The following ATF6 variants were observed in gnomAD, a reference collection of about 807,000 sequenced individuals.
ATF6 encodes the protein activating transcription factor 6.
ATF6 carries 53 observed loss-of-function variants against 83.6 expected under a neutral mutation model. The observed-to-expected ratio is 0.63, with a 90% CI of 0.51 to 0.80. The LOEUF is 0.80. Among genes scored for constraint, ATF6 ranks in the 30% least tolerant of loss-of-function variants. The pLI is 0.00. For missense variants in ATF6, 744 were observed against 797.9 expected, an observed-to-expected ratio of 0.93 and a Z score of 0.81; for synonymous variants, 288 against 285.8, an observed-to-expected ratio of 1.01 and a Z score of -0.08.
intron 6 of ATF6, among the ~76,000 whole-genome samples, 169 bp downstream of exon 6, chr1:161,792,496 A>G (rs1684907338): frequency 6.6e-6 from 1 of 152,200 alleles, no homozygotes; most frequent in African/African-American, 2.4e-5. Flanking sequence ...TTCCTGTCAT[A>G]ACAAGGGATA....
intron 15 of ATF6, among the ~76,000 whole-genome samples, chr1:161,916,815 T>C (rs1161724337): frequency 6.6e-6 from 1 of 152,230 alleles, no homozygotes; most frequent in Non-Finnish European, 1.5e-5. Flanking sequence ...TTGACAAAAG[T>C]AAACCATTGT....
At chr1:161,902,536 G>A (rs1366698378) in intron 14 of ATF6, among the ~76,000 whole-genome samples, 1 of 152,178 alleles carries the variant, frequency 6.6e-6, no homozygotes, top group East Asian at 1.9e-4. Flanking sequence ...CACCAACAGA[G>A]TAAATTTCAA....
intron 9 of ATF6, among the ~76,000 whole-genome samples, chr1:161,825,101 G>A (rs1262401596): frequency 1.3e-5 from 2 of 151,772 alleles, no homozygotes; most frequent in East Asian, 1.9e-4. Context: ...ATTGAGACAG[G>A]GTCTTGCTCT....
At chr1:161,838,604 C>A (rs2101809806) in intron 9 of ATF6, among the ~76,000 whole-genome samples, 1 of 152,174 alleles carries the variant, frequency 6.6e-6, no homozygotes, top group East Asian at 1.9e-4. Flanking sequence ...ATTTGGACCT[C>A]TCCACAGCTG....
intron 2 of ATF6, among the ~76,000 whole-genome samples, chr1:161,778,991 T>A (rs1473086094): frequency 6.6e-6 from 1 of 152,210 alleles, no homozygotes; most frequent in African/African-American, 2.4e-5. Context: ...TCACATCATT[T>A]TAGGCTCTTA....
chr1:161,904,903 A>G (rs1230212133), intron 14 of ATF6, among the ~76,000 whole-genome samples: 1 of 152,230 alleles, frequency 6.6e-6, no homozygotes, highest in African/African-American at 2.4e-5. Flanking sequence ...ACTGATGTAC[A>G]TAAAGCATAT....
At chr1:161,840,806 T>G (rs926450183) in intron 9 of ATF6, among the ~76,000 whole-genome samples, 6 of 152,206 alleles carry the variant, frequency 3.9e-5, no homozygotes, top group African/African-American at 1.4e-4. Context: ...ATGATTATTT[T>G]GTGGCCTAAA....
chr1:161,934,722 T>A (rs1688504859), intron 15 of ATF6, among the ~76,000 whole-genome samples: 1 of 152,202 alleles, frequency 6.6e-6, no homozygotes, highest in African/African-American at 2.4e-5. Context: ...TCATGGCACT[T>A]AGCATGTTAT....
rs1310476931 is a variant in ATF6 at position 161,854,093 on chromosome 1, A to G, written c.1533+770A>G. Among the ~76,000 whole-genome samples, 6 of 152,350 alleles carry G rather than the reference A, an allele frequency of 3.9e-5. 1 individual carries two copies. In the East Asian group the frequency reaches 1.2e-3, roughly 29 times the overall value. On this transcript the variant is annotated intron_variant, in intron 12 of 15. Coordinates refer to ENST00000367942, the MANE Select transcript of ATF6 (RefSeq NM_007348.4). ...AGCAGCATAGGAGGTTAGAATTTGAATTGAGAAATGAGTGACTAGACTGAG... is the reference window on the plus strand; with the variant it reads ...AGCAGCATAGGAGGTTAGAATTTGAGTTGAGAAATGAGTGACTAGACTGAG...
chr1:161,908,580 C>T (rs748769797), intron 14 of ATF6, among the ~76,000 whole-genome samples: 6 of 125,416 alleles, frequency 4.8e-5, no homozygotes, highest in Non-Finnish European at 9.5e-5. Context: ...AGTAACAATA[C>T]ATTGATTATA....
chr1:161,955,204 C>A (rs1326932019), intron 15 of ATF6, among the ~76,000 whole-genome samples: 1 of 152,180 alleles, frequency 6.6e-6, no homozygotes, highest in African/African-American at 2.4e-5. Flanking sequence ...TGTCTCATAT[C>A]CCTGCCTGTG....
At chr1:161,881,154 G>C (rs61808549) in intron 14 of ATF6, among the ~76,000 whole-genome samples, 2 of 152,128 alleles carry the variant, frequency 1.3e-5, no homozygotes, top group African/African-American at 2.4e-5. Flanking sequence ...GTTTTGTTTA[G>C]CAGCTTAGAA....
Position 161,784,029 on chromosome 1 carries a change from C to G in ATF6, c.287C>G (p.Ala96Gly). 6.2e-7 allele frequency: 1 copy of G among 1,613,802 alleles called. No homozygotes were observed. Among genetic ancestry groups the G allele is most frequent in the Non-Finnish European group, 8.5e-7 (1 of 1,179,802 alleles). Reference sequence around the variant, plus strand: ...GCAGAACCTCAGCCACTTTCTCCAGCCTCCTCAAGTTATTCAGTCTCGTCT... The same window carrying G: ...GCAGAACCTCAGCCACTTTCTCCAGGCTCCTCAAGTTATTCAGTCTCGTCT... ...IKAEPQPLSP[A>G]SSSYSVSSPR... Residue 96 changes from alanine (A) to glycine (G), a missense_variant, in exon 4 of 16, where the codon GCC (alanine) becomes GGC (glycine). Coordinates refer to ENST00000367942, the MANE Select transcript of ATF6 (RefSeq NM_007348.4).
At chr1:161,767,954 T>G (rs1044780505) in intron 1 of ATF6, among the ~76,000 whole-genome samples, 6 of 152,196 alleles carry the variant, frequency 3.9e-5, no homozygotes, top group Admixed American at 1.3e-4. Flanking sequence ...CACTCGGGTT[T>G]GAGCGATTCT....
rs113910081 is a variant in ATF6 at position 161,895,620 on chromosome 1, A to G, written c.1720-16676A>G. ...AGAGTATGGAACATAGAGATCAAGT[A>G]GCTGGGAGGAAATGTGCCTATATGA... On this transcript the variant is annotated intron_variant, in intron 14 of 15. Transcript: ENST00000367942. 9.9e-3 allele frequency among the ~76,000 whole-genome samples: 1,509 copies of G among 152,358 alleles called. 8 individuals are homozygous for G. The highest frequency in any genetic ancestry group is 0.017 in the South Asian group (82 of 4,828).
chr1:161,880,638 A>T (rs541886945), intron 14 of ATF6, among the ~76,000 whole-genome samples: 1 of 152,170 alleles, frequency 6.6e-6, no homozygotes, highest in South Asian at 2.1e-4. Context: ...TGGTGTAGGG[A>T]TATAGCACAA....
At chr1:161,812,395 T>C (rs1426863338) in intron 7 of ATF6, among the ~76,000 whole-genome samples, 2 of 112,768 alleles carry the variant, frequency 1.8e-5, no homozygotes, top group African/African-American at 7.5e-5. Flanking sequence ...TTTTTTTTTT[T>C]TTTTTTTTTT....
intron 10 of ATF6, among the ~76,000 whole-genome samples, chr1:161,851,371 C>T (rs549994484): frequency 5.9e-5 from 9 of 152,084 alleles, no homozygotes; most frequent in Admixed American, 2.0e-4. Context: ...ACTTGATTTT[C>T]GCCTCAATTA....
intron 12 of ATF6, among the ~76,000 whole-genome samples, chr1:161,858,506 A>G (rs976459568): frequency 1.3e-5 from 2 of 152,224 alleles, no homozygotes; most frequent in African/African-American, 4.8e-5. Flanking sequence ...AGACTTCCAA[A>G]CAAAGATTAT....
Sources: gnomAD v4.1 joint callset for allele counts (sites outside exome capture counted in the v4.1 genomes callset) on GRCh38, gnomAD v4.1.1 for gene constraint, MANE v1.5 for transcripts, NCBI Gene and HGNC (gene_info 2026-07-23, HGNC 2026-07-21) for gene names.